Variants in PLEKHA5 observed in about 807,000 individuals in gnomAD.
PLEKHA5 encodes pleckstrin homology domain containing A5.
In PLEKHA5, 55 loss-of-function variants were observed where a neutral mutation model predicts 181.9. The ratio of observed to expected loss-of-function variants is 0.30; its 90% CI spans 0.24 to 0.38. The LOEUF is 0.38. PLEKHA5 is among the 10% of genes least tolerant of loss of function. The pLI is 1.00. For missense variants in PLEKHA5, 1,432 were observed against 1,549.5 expected (o/e 0.92, Z 1.27); for synonymous variants, 535 against 529.4 (o/e 1.01, Z -0.15).
At chr12:19,366,778 G>A (rs2095434478) in intron 30 of PLEKHA5, among the ~76,000 whole-genome samples, 1 of 152,130 alleles carries the variant, frequency 6.6e-6, no homozygotes, top group African/African-American at 2.4e-5. Flanking sequence ...CTAATAGAAT[G>A]GGTTTGTTTA....
Position 19,290,663 on chromosome 12 carries a change from TTG to T in PLEKHA5, c.1864-12_1864-11del. On this transcript the variant is annotated splice_polypyrimidine_tract_variant and intron_variant, in intron 13 of 31. Transcript: ENST00000429027. ...GTTTTCCACTGTTTGGATTCTTAAA[TTG>T]TACTCCTTCAGCCAGAGGAGCTTAC... 6.5e-7 allele frequency: 1 copy of T among 1,528,454 alleles called. No homozygotes were observed. Among genetic ancestry groups the T allele is most frequent in the Non-Finnish European group, 8.8e-7 (1 of 1,142,286 alleles). 94.7% of individuals were successfully genotyped at this position (1,528,454 alleles called of 1,614,324 possible).
At chr12:19,197,348 T>C (rs560860574) in intron 3 of PLEKHA5, among the ~76,000 whole-genome samples, 22 of 152,250 alleles carry the variant, frequency 1.4e-4, no homozygotes, top group African/African-American at 4.8e-4. Context: ...TTTTGGAAAA[T>C]GTTATGTATT....
chr12:19,367,258 CTTTTTTTTTTTTTTTTT>C lies in PLEKHA5; in HGVS notation c.3754+1158_3754+1174del, dbSNP rs376634416. On this transcript the variant is annotated intron_variant, in intron 30 of 31. Transcript: ENST00000429027. ...AGTGCATATTATCGCTTTGCTTCTT[CTTTTTTTTTTTTTTTTT>C]TTTTTTTTGAAGCTCTTTCACCCAG... Among the ~76,000 whole-genome samples, 2 of 72,004 alleles carry C rather than the reference CTTTTTTTTTTTTTTTTT, an allele frequency of 2.8e-5. 1 individual carries two copies. The allele number at this position is 72,004 out of a possible 152,430, so 47.2% of individuals were successfully genotyped here. A position where few individuals can be genotyped will look rare whatever the true frequency, so the allele number is the denominator to read the frequency against.
rs949452200 is a variant in PLEKHA5, at chr12:19,347,069, C to G, written c.2785C>G (p.Pro929Ala). ...TACAGAGCAGCCTCCCATAATCCCC[C>G]CTCTGCCCAGTGATAGCAGCTCCTT... ...DFTEQPPIIPPLPSDSSSLLC... is the reference protein window; with the variant it reads ...DFTEQPPIIPALPSDSSSLLC... The change falls in exon 24 of 32, where the codon CCT (proline) becomes GCT (alanine). Residue 929 changes from proline (P) to alanine (A), a missense_variant. By Grantham distance (27) the Pro-to-Ala change is conservative. Coordinates refer to ENST00000429027, the MANE Select transcript of PLEKHA5 (RefSeq NM_001256470.2). 1.1e-5 allele frequency: 17 copies of G among 1,551,518 alleles called. No homozygotes were observed. Among genetic ancestry groups the G allele is most frequent in the Admixed American group, 2.0e-5 (1 of 50,982 alleles).
At chr12:19,168,496 A>G (rs533134347) in intron 3 of PLEKHA5, among the ~76,000 whole-genome samples, 2 of 88,324 alleles carry the variant, frequency 2.3e-5, no homozygotes, top group Non-Finnish European at 6.6e-5. Flanking sequence ...GCAGTGATTT[A>G]AAAAAAAAAC....
chr12:19,307,127 T>A, intron 15 of PLEKHA5: 1 of 859,042 alleles, frequency 1.2e-6, no homozygotes, highest in Non-Finnish European at 2.0e-6. Context: ...TTGAAGCATG[T>A]AGCTGCTGGT....
intron 3 of PLEKHA5, among the ~76,000 whole-genome samples, chr12:19,196,382 A>G (rs1256358420): frequency 2.0e-5 from 3 of 152,232 alleles, no homozygotes; most frequent in African/African-American, 7.2e-5. Flanking sequence ...ACAAACTGTC[A>G]ACAAGTAATT....
chr12:19,236,745 A>G (rs1398112407), intron 3 of PLEKHA5, among the ~76,000 whole-genome samples: 1 of 152,174 alleles, frequency 6.6e-6, no homozygotes, highest in East Asian at 1.9e-4. Flanking sequence ...AATTGAAATC[A>G]TATTTTACTC....
At chr12:19,268,321 C>G (rs1275933441) in intron 8 of PLEKHA5, among the ~76,000 whole-genome samples, 1 of 152,046 alleles carries the variant, frequency 6.6e-6, no homozygotes, top group Non-Finnish European at 1.5e-5. Context: ...AAATGTTTAT[C>G]AATTTATGCT....
chr12:19,239,178 G>A (rs1256564428), intron 3 of PLEKHA5, among the ~76,000 whole-genome samples: 2 of 152,120 alleles, frequency 1.3e-5, no homozygotes. Flanking sequence ...AATACGAGGA[G>A]GATATCTTGA....
chr12:19,307,473 CAA>C (rs1057070841), intron 15 of PLEKHA5: 9 of 263,952 alleles, frequency 3.4e-5, no homozygotes, highest in East Asian at 1.0e-4. Context: ...ACTCTTGGCT[CAA>C]AAAAAAATAG....
At chr12:19,240,106 G>A (rs1422172339) in intron 3 of PLEKHA5, among the ~76,000 whole-genome samples, 7 of 152,142 alleles carry the variant, frequency 4.6e-5, no homozygotes, top group African/African-American at 1.7e-4. Flanking sequence ...ATTGTTTAAA[G>A]CTCATGCAGT....
At chr12:19,373,142 G>A (rs2095626110) in intron 31 of PLEKHA5, 1 of 152,284 alleles carries the variant, frequency 6.6e-6, no homozygotes, top group Non-Finnish European at 1.5e-5. Flanking sequence ...CACTTTGGGA[G>A]GCCAGGGCTG....
Position 19,283,521 on chromosome 12 carries a change from A to G in PLEKHA5, c.1555A>G (p.Asn519Asp). ...LYEWQQRQFY[N>D]KQSTLPRHST... ...CGAATGGCAGCAGCGTCAGTTTTAT[A>G]ACAAACAGAGCACCCTCCCTCGACA... The change falls in exon 12 of 32, where the codon AAC becomes GAC. Residue 519 changes from asparagine (N) to aspartate (D), a missense_variant. Physicochemically the swap from Asn to Asp is conservative, Grantham distance 23 (BLOSUM62 1). Transcript: ENST00000429027. 6.2e-7 allele frequency: 1 copy of G among 1,614,186 alleles called. No homozygotes were observed. The highest frequency in any genetic ancestry group is 1.1e-5 in the South Asian group (1 of 91,076).
chr12:19,280,036 GTTTTTTTTTT>G (rs869050795), intron 11 of PLEKHA5, among the ~76,000 whole-genome samples: 2 of 54,492 alleles, frequency 3.7e-5, no homozygotes, highest in African/African-American at 6.8e-5. Flanking sequence ...AATGAAACCT[GTTTTTTTTTT>G]TTTTTTTTTT....
chr12:19,359,335 G>A (rs1390695614), intron 27 of PLEKHA5, 77 bp from the exon 28 acceptor site: 3 of 1,289,976 alleles, frequency 2.3e-6, no homozygotes, highest in Non-Finnish European at 3.2e-6. Context: ...TCTATTTTGA[G>A]AATTAACAGG....
Position 19,322,459 on chromosome 12 carries a change from G to C in PLEKHA5, c.2299-59G>C, listed in dbSNP as rs1186609823. The C allele has an allele frequency of 2.5e-6, 4 of 1,571,362 alleles. No homozygotes were observed. The East Asian group carries it at 9.0e-5, about 35-fold the overall frequency. ...ATGATTATTATCAGGACACTGATAA[G>C]TAAAAAGAATTAATACAATGATGCA... On this transcript the variant is annotated intron_variant, in intron 19 of 31. Transcript: ENST00000429027.
intron 3 of PLEKHA5, among the ~76,000 whole-genome samples, chr12:19,192,997 T>C (rs1276719977): frequency 6.6e-6 from 1 of 152,350 alleles, no homozygotes; most frequent in South Asian, 2.1e-4. Flanking sequence ...TATAGCAAAG[T>C]TGATAGTTTT....
rs190195255 is a variant in PLEKHA5 at position 19,144,223 on chromosome 12, C to T, written c.227+11773C>T. Among the ~76,000 whole-genome samples, 6 of 152,260 alleles carry T rather than the reference C, an allele frequency of 3.9e-5. No homozygotes were observed. The East Asian group carries it at 7.7e-4, about 20-fold the overall frequency. ...AGATTAGTCCTTCAGTTATGTATGTCTACATAAACAACTACCCCAGAACTC... is the reference window on the plus strand; with the variant it reads ...AGATTAGTCCTTCAGTTATGTATGTTTACATAAACAACTACCCCAGAACTC... On this transcript the variant is annotated intron_variant, in intron 3 of 31. Transcript: ENST00000429027.
Sources: allele counts gnomAD v4.1 joint callset (sites outside exome capture counted in the v4.1 genomes callset), GRCh38; gene constraint gnomAD v4.1.1; transcripts MANE v1.5; gene names NCBI Gene and HGNC (gene_info 2026-07-23, HGNC 2026-07-21).